The following SYNE2 variants were observed in gnomAD, a reference collection of about 807,000 sequenced individuals.
The protein encoded by SYNE2 is spectrin repeat containing nuclear envelope protein 2.
Under a neutral mutation model 856.3 loss-of-function variants are expected in SYNE2, and 431 were observed. The ratio of observed to expected loss-of-function variants is 0.50; its 90% confidence interval spans 0.47 to 0.55. SYNE2 has a LOEUF of 0.55. SYNE2 is among the 20% of genes least tolerant of loss of function. The probability of loss-of-function intolerance (pLI) is 0.00; values close to 1 mark genes in which losing one functional copy is unlikely to be tolerated. For missense variants in SYNE2, 8,129 were observed against 8,023.2 expected (o/e 1.01, Z -0.50); for synonymous variants, 2,923 against 2,872.3 (o/e 1.02, Z -0.56).
At chr14:64,192,397 C>T (rs764040518) in intron 99 of SYNE2, among the ~76,000 whole-genome samples, 41 of 151,986 alleles carry the variant, frequency 2.7e-4, no homozygotes, top group Admixed American at 1.2e-3. Flanking sequence ...GAATGACAGT[C>T]CATTTTTAAT....
intron 99 of SYNE2, 81 bp downstream of exon 99, chr14:64,190,318 C>T (rs2098512225): frequency 6.4e-7 from 1 of 1,565,236 alleles, no homozygotes; most frequent in Non-Finnish European, 8.8e-7. Flanking sequence ...CAGTCTTCCT[C>T]TAAGATGATC....
At position 63,997,213 on chromosome 14, in the gene SYNE2, G is replaced by A. The variant is rs1416987246; in HGVS notation, c.3152+55G>A. 7.5e-6 allele frequency: 12 copies of A among 1,590,850 alleles called. 1 individual carries two copies. Among genetic ancestry groups the A allele is most frequent in the African/African-American group, 2.7e-5 (2 of 74,540 alleles). Reference sequence around the variant, plus strand: ...CAGGATAAAACGAAGCCTTTTGCACGATCAAATGACATTAAGCGTTAGTCA... The same window carrying A: ...CAGGATAAAACGAAGCCTTTTGCACAATCAAATGACATTAAGCGTTAGTCA... On this transcript the variant is annotated intron_variant, in intron 24 of 115. Coordinates refer to ENST00000555002, the MANE Select transcript of SYNE2 (RefSeq NM_182914.3).
In SYNE2 at chr14:63,912,682, A is replaced by G. The variant is rs12586498; in HGVS notation, c.79+3455A>G. On this transcript the variant is annotated intron_variant, in intron 2 of 115. Transcript: ENST00000555002. The stretch of plus-strand genomic sequence containing the variant: ...TCTAAGGTGAGACAATTGTGGCAAC[A>G]CCCTGACTCAGAATAACACACGCAA... Among the ~76,000 whole-genome samples, 472 of 152,300 alleles carry G rather than the reference A, an allele frequency of 3.1e-3. 13 individuals carry two copies. In the East Asian group the frequency reaches 0.07, roughly 22 times the overall value.
In SYNE2 at chr14:64,211,792, C is replaced by G. The variant is rs193179840; in HGVS notation, c.18724-169C>G. 6.5e-3 allele frequency among the ~76,000 whole-genome samples: 985 copies of G among 152,316 alleles called. 4 individuals carry two copies. The highest frequency in any genetic ancestry group is 0.011 in the Non-Finnish European group (718 of 68,014). The stretch of plus-strand genomic sequence containing the variant: ...GGTCTCACAAAGCCAGAACCAGACC[C>G]CAGCCTCTGAACAACATAGTGCTTC... On this transcript the variant is annotated intron_variant, in intron 103 of 115. Transcript: ENST00000555002.
intron 59 of SYNE2, among the ~76,000 whole-genome samples, chr14:64,090,017 A>G (rs1396077699): frequency 6.6e-6 from 1 of 152,130 alleles, no homozygotes; most frequent in African/African-American, 2.4e-5. Context: ...TGGTTTTTGG[A>G]TTCTCTTTCA....
At position 64,225,595 on chromosome 14, in the gene SYNE2, A is replaced by C; in HGVS notation, c.*69A>C. The C allele has an allele frequency of 6.5e-7, 1 of 1,531,692 alleles. No individual in the cohort carries two copies. The highest frequency in any genetic ancestry group is 9.0e-7 in the Non-Finnish European group (1 of 1,115,696). The allele number at this position is 1,531,692 out of a possible 1,614,324, so 94.9% of individuals were successfully genotyped here. A position where few individuals can be genotyped will look rare whatever the true frequency, so the allele number is the denominator to read the frequency against. ...AAGGGTGCCCAGCACGTGGCCCCAG[A>C]CCAATCTGAGTGACTTAGTGTTGGC... On this transcript the variant is annotated 3_prime_UTR_variant, in exon 116 of 116. Transcript: ENST00000555002.
chr14:63,961,744 AC>A (rs2096317617), intron 9 of SYNE2, 119 bp downstream of exon 9: 16 of 741,130 alleles, frequency 2.2e-5, no homozygotes, highest in South Asian at 1.3e-4. Context: ...ATGAGCATAC[AC>A]CCCTGTAAAT....
At chr14:63,982,884 C>T (rs1358135642) in intron 17 of SYNE2, 90 bp downstream of exon 17, 1 of 1,308,408 alleles carries the variant, frequency 7.6e-7, no homozygotes, top group South Asian at 1.2e-5. Context: ...CAATTGATTT[C>T]TGGTATATGC....
At chr14:63,781,548 A>C (rs1056147169) in intron 1 of SYNE2, among the ~76,000 whole-genome samples, 1 of 151,224 alleles carries the variant, frequency 6.6e-6, no homozygotes, top group Non-Finnish European at 1.5e-5. Context: ...GCAGTGGCGC[A>C]ATCTTGGAAA....
intron 32 of SYNE2, among the ~76,000 whole-genome samples, chr14:64,014,974 T>TATACACACACAC (rs1434593932): frequency 1.2e-5 from 1 of 84,892 alleles, no homozygotes; most frequent in African/African-American, 4.2e-5. Context: ...TATATATATA[T>TATACACACACAC]ACACACACAC....
chr14:63,783,260 A>G (rs901044975), intron 1 of SYNE2, among the ~76,000 whole-genome samples: 2 of 152,180 alleles, frequency 1.3e-5, no homozygotes, highest in African/African-American at 2.4e-5. Flanking sequence ...GGCCTTGTGA[A>G]GAGGGTATCT....
At chr14:63,979,129 G>C in intron 14 of SYNE2, 115 bp downstream of exon 14, 1 of 1,052,144 alleles carries the variant, frequency 9.5e-7, no homozygotes, top group South Asian at 1.3e-5. Flanking sequence ...GGGTTTTCTT[G>C]GTAGATTTCA....
At chr14:63,933,094 C>G (rs2095786448) in intron 2 of SYNE2, among the ~76,000 whole-genome samples, 1 of 152,070 alleles carries the variant, frequency 6.6e-6, no homozygotes, top group Non-Finnish European at 1.5e-5. Flanking sequence ...TATTAATAAT[C>G]CAATCATAGG....
At chr14:63,859,483 A>G (rs771758419) in intron 1 of SYNE2, among the ~76,000 whole-genome samples, 1 of 152,186 alleles carries the variant, frequency 6.6e-6, no homozygotes, top group African/African-American at 2.4e-5. Flanking sequence ...ACATCTCACA[A>G]ATTTTGATAT....
At chr14:64,024,833 C>G (rs2096965208) in intron 39 of SYNE2, 79 bp from the exon 40 acceptor site, 1 of 1,486,072 alleles carries the variant, frequency 6.7e-7, no homozygotes, top group Non-Finnish European at 9.4e-7. Context: ...GGTTGAGTCA[C>G]AAGGTTTGTG....
intron 108 of SYNE2, among the ~76,000 whole-genome samples, chr14:64,216,740 G>A (rs2098668425): frequency 6.6e-6 from 1 of 152,142 alleles, no homozygotes; most frequent in Non-Finnish European, 1.5e-5. Context: ...TGTTGTTGTT[G>A]TGGAGACGGA....
At chr14:64,100,082 A>C (rs1056998253) in intron 63 of SYNE2, 1 of 152,044 alleles carries the variant, frequency 6.6e-6, no homozygotes, top group Non-Finnish European at 1.5e-5. Flanking sequence ...AACCAACCCA[A>C]ATGTCCAACA....
chr14:64,142,197 T>C (rs899944862), intron 82 of SYNE2, 109 bp downstream of exon 82: 3 of 1,309,638 alleles, frequency 2.3e-6, no homozygotes, highest in African/African-American at 1.5e-5. Flanking sequence ...AAACTAATTC[T>C]AGGGGTAGGA....
chr14:63,784,964 G>A (rs985343535), intron 1 of SYNE2, among the ~76,000 whole-genome samples: 2 of 148,150 alleles, frequency 1.3e-5, no homozygotes, highest in Non-Finnish European at 3.0e-5. Flanking sequence ...GGGGGGGTGA[G>A]GGGTGTTGTA....
Sources: allele counts gnomAD v4.1 joint callset (sites outside exome capture counted in the v4.1 genomes callset), GRCh38; gene constraint gnomAD v4.1.1; transcripts MANE v1.5; gene names NCBI Gene and HGNC (gene_info 2026-07-23, HGNC 2026-07-21).